The following ITSN2 variants were observed in gnomAD, a reference collection of about 807,000 sequenced individuals.
ITSN2 encodes the protein intersectin-2.
ITSN2 carries 156 observed loss-of-function variants against 243.7 expected under a neutral mutation model. That is an observed-to-expected ratio of 0.64 (90% confidence interval 0.56 to 0.73). The LOEUF is 0.73. Among genes scored for constraint, ITSN2 ranks in the 30% least tolerant of loss-of-function variants. ITSN2 has a pLI of 0.00. For missense variants in ITSN2, 1,801 were observed against 1,996.1 expected (o/e 0.90, Z 1.86); for synonymous variants, 703 against 699.9 (o/e 1.00, Z -0.07).
intron 1 of ITSN2, among the ~76,000 whole-genome samples, chr2:24,352,434 TG>T (rs1574410347): frequency 6.6e-6 from 1 of 152,216 alleles, no homozygotes; most frequent in Admixed American, 6.5e-5. Context: ...TAAAAGGACA[TG>T]TTTTTCTCAC....
intron 30 of ITSN2, chr2:24,220,656 C>T: frequency 8.0e-7 from 1 of 1,257,118 alleles, no homozygotes; most frequent in South Asian, 2.9e-5. Context: ...GATGGGGCTC[C>T]TGCCACATCC....
Position 24,349,409 on chromosome 2 carries a change from A to C in ITSN2, c.-34+10895T>G, listed in dbSNP as rs78380264. Among the ~76,000 whole-genome samples, 25 of 152,270 alleles carry C rather than the reference A, an allele frequency of 1.6e-4. No homozygotes were observed. In the East Asian group the frequency reaches 4.6e-3, roughly 28 times the overall value. ...GAGTGGTCATAGACTTTTTTATTTT[A>C]ATCTGATAAAACCTATGGTTGTTCT... On this transcript the variant is annotated intron_variant, in intron 1 of 39. Transcript: ENST00000355123.
chr2:24,271,872 C>T lies in ITSN2; in HGVS notation c.2151G>A (p.Lys717=). The stretch of plus-strand genomic sequence containing the variant: ...CTTGTGTTTTTTCTTCCTGGAGTCG[C>T]TTTTGTTTTTCTTCTTCCTCCTTTC... ...NLRKEEEEKQ[K]RLQEEKTQEK... Residue 717 remains lysine, a synonymous_variant, in exon 19 of 40, where the codon AAG becomes AAA. Transcript: ENST00000355123. The T allele has an allele frequency of 2.5e-6, 4 of 1,603,502 alleles. No individual in the cohort carries two copies. Among genetic ancestry groups the T allele is most frequent in the East Asian group, 2.2e-5 (1 of 44,698 alleles).
chr2:24,314,053 T>G (rs1200162922), intron 3 of ITSN2, among the ~76,000 whole-genome samples: 1 of 152,196 alleles, frequency 6.6e-6, no homozygotes, highest in Non-Finnish European at 1.5e-5. Flanking sequence ...CTTGCTTTAC[T>G]GCTTGCTACA....
intron 1 of ITSN2, among the ~76,000 whole-genome samples, chr2:24,358,354 A>G (rs1481316558): frequency 6.6e-6 from 1 of 152,226 alleles, no homozygotes; most frequent in Non-Finnish European, 1.5e-5. Flanking sequence ...TCAGGTTAAC[A>G]TTTCACTTAC....
At position 24,261,204 on chromosome 2, in the gene ITSN2, C is replaced by A; in HGVS notation, c.2584G>T (p.Val862Leu). 6.2e-7 allele frequency: 1 copy of A among 1,612,952 alleles called. No individual in the cohort carries two copies. The highest frequency in any genetic ancestry group is 1.1e-5 in the South Asian group (1 of 91,012). ...TTTACAGTTAGGTTTGAAAAAGATA[C>A]ATTTTGATAATCAGTCACTGATGCT... ...QPASVTDYQN[V>L]SFSNLTVNTS... is the part of the protein sequence containing the mutation. Residue 862 changes from valine to leucine, a missense_variant, in exon 22 of 40, where the codon GTA becomes TTA. Coordinates refer to ENST00000355123, the MANE Select transcript of ITSN2 (RefSeq NM_006277.3).
intron 14 of ITSN2, among the ~76,000 whole-genome samples, chr2:24,294,625 C>CT (rs1680706835): frequency 6.6e-6 from 1 of 152,104 alleles, no homozygotes. Context: ...CCAGACCCTA[C>CT]TGCACAAGTA....
chr2:24,266,671 G>A (rs1174006830), intron 20 of ITSN2, among the ~76,000 whole-genome samples: 1 of 151,410 alleles, frequency 6.6e-6, no homozygotes, highest in East Asian at 2.0e-4. Context: ...GTTCATGCCT[G>A]TAATCACAGC....
chr2:24,232,975 C>T (rs1258374463), intron 29 of ITSN2, among the ~76,000 whole-genome samples: 1 of 152,108 alleles, frequency 6.6e-6, no homozygotes, highest in East Asian at 1.9e-4. Flanking sequence ...GGCCCTTACT[C>T]TAACTCTTTT....
At chr2:24,299,717 ACTC>A (rs1681479260) in intron 12 of ITSN2, among the ~76,000 whole-genome samples, 189 bp downstream of exon 12, 1 of 151,462 alleles carries the variant, frequency 6.6e-6, no homozygotes, top group African/African-American at 2.4e-5. Context: ...AGTTCTGAAA[ACTC>A]CTTATAAGCA....
At chr2:24,347,810 G>A (rs1224592362) in intron 1 of ITSN2, among the ~76,000 whole-genome samples, 4 of 151,774 alleles carry the variant, frequency 2.6e-5, no homozygotes, top group Non-Finnish European at 5.9e-5. Flanking sequence ...GGTGGCTAAT[G>A]TTTGTAATCC....
intron 8 of ITSN2, among the ~76,000 whole-genome samples, chr2:24,304,523 C>T (rs1234493933): frequency 6.6e-6 from 1 of 151,978 alleles, no homozygotes; most frequent in Non-Finnish European, 1.5e-5. Flanking sequence ...ACATAAATCA[C>T]ATAAAAACAC....
At chr2:24,280,999 A>G (rs1271418730) in intron 17 of ITSN2, among the ~76,000 whole-genome samples, 2 of 152,118 alleles carry the variant, frequency 1.3e-5, no homozygotes, top group African/African-American at 4.8e-5. Flanking sequence ...AACTTTTCTT[A>G]TACCTGGTAC....
intron 36 of ITSN2, 81 bp downstream of exon 36, chr2:24,209,019 C>G: frequency 1.3e-6 from 2 of 1,515,758 alleles, no homozygotes; most frequent in Admixed American, 3.4e-5. Flanking sequence ...TTAAGCACGG[C>G]TGGAGATGGG....
chr2:24,217,330 T>G (rs936799732), intron 31 of ITSN2, among the ~76,000 whole-genome samples: 1 of 152,226 alleles, frequency 6.6e-6, no homozygotes, highest in Non-Finnish European at 1.5e-5. Flanking sequence ...AAAGTTTCTT[T>G]TGAAAGATTC....
intron 16 of ITSN2, among the ~76,000 whole-genome samples, chr2:24,285,447 C>CAT (rs1558553088): frequency 6.6e-6 from 1 of 152,120 alleles, no homozygotes; most frequent in Non-Finnish European, 1.5e-5. Flanking sequence ...TGATAAAAGC[C>CAT]ATATGAAGAG....
chr2:24,250,136 G>A (rs912705668), intron 25 of ITSN2, among the ~76,000 whole-genome samples: 4 of 152,188 alleles, frequency 2.6e-5, no homozygotes, highest in Admixed American at 6.5e-5. Context: ...CTAAACAGAA[G>A]TGTGCCTAAA....
At chr2:24,334,235 T>C (rs1686099517) in intron 1 of ITSN2, among the ~76,000 whole-genome samples, 1 of 152,072 alleles carries the variant, frequency 6.6e-6, no homozygotes, top group Non-Finnish European at 1.5e-5. Context: ...ATTTTTGTAT[T>C]ATTAGTAGAG....
intron 18 of ITSN2, among the ~76,000 whole-genome samples, chr2:24,273,954 C>T (rs1677693434): frequency 6.6e-6 from 1 of 152,206 alleles, no homozygotes; most frequent in Non-Finnish European, 1.5e-5. Flanking sequence ...TGAGTAGGTC[C>T]TATATGCACT....
Sources: gnomAD v4.1 joint callset for allele counts (sites outside exome capture counted in the v4.1 genomes callset) on GRCh38, gnomAD v4.1.1 for gene constraint, MANE v1.5 for transcripts, NCBI Gene and HGNC (gene_info 2026-07-23, HGNC 2026-07-21) for gene names.